MCTP2: variants seen among roughly 807,000 people sequenced by gnomAD.
MCTP2 encodes the protein multiple C2 and transmembrane domain containing 2.
Under a neutral mutation model 111.6 loss-of-function variants are expected in MCTP2, and 132 were observed. The observed-to-expected ratio is 1.18, with a 90% CI of 1.03 to 1.37. The LOEUF is 1.37. MCTP2 is among the 40% of genes most tolerant of loss of function. The pLI, the probability that MCTP2 is intolerant of heterozygous loss-of-function variation, is 0.00. For synonymous variants in MCTP2, 395 were observed against 387.7 expected (o/e 1.02, Z -0.22); for missense variants, 1,183 against 1,067.9 (o/e 1.11, Z -1.50).
At chr15:94,288,188 A>G (rs1423810904) in intron 1 of MCTP2, among the ~76,000 whole-genome samples, 1 of 152,184 alleles carries the variant, frequency 6.6e-6, no homozygotes, top group African/African-American at 2.4e-5. Context: ...CTTCCCCACA[A>G]CCCTGGTATG....
At chr15:94,262,704 T>C (rs1316078523) in intron 1 of MCTP2, among the ~76,000 whole-genome samples, 1 of 151,884 alleles carries the variant, frequency 6.6e-6, no homozygotes, top group African/African-American at 2.4e-5. Context: ...AGAGTCTTGC[T>C]CTGTTACCTG....
At chr15:94,410,331 G>A (rs1043830175) in intron 17 of MCTP2, among the ~76,000 whole-genome samples, 2 of 152,138 alleles carry the variant, frequency 1.3e-5, no homozygotes, top group African/African-American at 4.8e-5. Context: ...GTGTTCAGGA[G>A]TCAATCATTT....
intron 17 of MCTP2, among the ~76,000 whole-genome samples, chr15:94,409,832 A>T (rs1195220481): frequency 2.0e-5 from 3 of 151,124 alleles, no homozygotes; most frequent in African/African-American, 7.3e-5. Context: ...TCGTAAGTCT[A>T]TCAACCCTCC....
chr15:94,472,417 C>G (rs1385373467), intron 21 of MCTP2, among the ~76,000 whole-genome samples: 1 of 152,078 alleles, frequency 6.6e-6, no homozygotes, highest in African/African-American at 2.4e-5. Flanking sequence ...GACAAATACT[C>G]TATTTTCTCA....
intron 17 of MCTP2, among the ~76,000 whole-genome samples, chr15:94,414,714 G>A (rs2082299417): frequency 6.6e-6 from 1 of 152,050 alleles, no homozygotes. Flanking sequence ...TATCACTCAT[G>A]GTATTTTTCC....
At chr15:94,332,540 G>T (rs2077177053) in intron 4 of MCTP2, among the ~76,000 whole-genome samples, 2 of 152,152 alleles carry the variant, frequency 1.3e-5, no homozygotes, top group Non-Finnish European at 2.9e-5. Flanking sequence ...TAAAGAGCTA[G>T]TAAATAATTG....
At chr15:94,390,725 CTTTTTT>C (rs777312969) in intron 14 of MCTP2, among the ~76,000 whole-genome samples, 1 of 112,984 alleles carries the variant, frequency 8.9e-6, no homozygotes, top group Non-Finnish European at 1.9e-5. Context: ...CTTTTCTTTT[CTTTTTT>C]TTTTTTTTTT....
chr15:94,363,786 G>A (rs1245600019), intron 10 of MCTP2, among the ~76,000 whole-genome samples: 1 of 151,970 alleles, frequency 6.6e-6, no homozygotes, highest in African/African-American at 2.4e-5. Flanking sequence ...TCACCTAAGG[G>A]CTCGGTGTGT....
intron 20 of MCTP2, among the ~76,000 whole-genome samples, chr15:94,469,010 C>T (rs979621787): frequency 1.3e-5 from 2 of 152,152 alleles, no homozygotes; most frequent in Non-Finnish European, 2.9e-5. Context: ...GTTAGACAAT[C>T]TCTGTCAGTC....
intron 1 of MCTP2, among the ~76,000 whole-genome samples, chr15:94,266,857 T>A (rs1224475339): frequency 6.6e-6 from 1 of 152,170 alleles, no homozygotes; most frequent in Non-Finnish European, 1.5e-5. Context: ...TGTAAAACAT[T>A]TTTGCAATTT....
chr15:94,337,893 T>C (rs1011392070), intron 4 of MCTP2, among the ~76,000 whole-genome samples: 2 of 152,222 alleles, frequency 1.3e-5, no homozygotes, highest in Non-Finnish European at 1.5e-5. Context: ...AGTAAGGCTT[T>C]TAAACCATGG....
At chr15:94,402,950 G>A in intron 17 of MCTP2, 4 of 1,034,840 alleles carry the variant, frequency 3.9e-6, no homozygotes, top group Non-Finnish European at 4.7e-6. Context: ...TATGCTGAAT[G>A]TTCTCTCTTA....
chr15:94,378,584 C>G (rs115970486), intron 12 of MCTP2, among the ~76,000 whole-genome samples: 1,647 of 152,232 alleles, frequency 0.011, 22 homozygotes, highest in African/African-American at 0.038. Flanking sequence ...CTTGTTTGCT[C>G]TAGGTGTTAG....
chr15:94,407,775 GCACACA>G (rs57851445), intron 17 of MCTP2, among the ~76,000 whole-genome samples: 13,764 of 147,624 alleles, frequency 0.093, 674 homozygotes, highest in Non-Finnish European at 0.12. Context: ...ATGTACTTGT[GCACACA>G]CACACACACA....
chr15:94,457,469 T>C (rs1452078462), intron 19 of MCTP2, among the ~76,000 whole-genome samples: 1 of 152,146 alleles, frequency 6.6e-6, no homozygotes, highest in Admixed American at 6.5e-5. Flanking sequence ...TGTATTTGCT[T>C]CTAATGTCAT....
At chr15:94,412,196 T>G (rs906429028) in intron 17 of MCTP2, among the ~76,000 whole-genome samples, 9 of 152,188 alleles carry the variant, frequency 5.9e-5, no homozygotes, top group Admixed American at 1.3e-4. Flanking sequence ...CCTACACTAC[T>G]TTTACAATGC....
At chr15:94,475,963 TGCC>T (rs2074313799) in intron 21 of MCTP2, among the ~76,000 whole-genome samples, 1 of 152,230 alleles carries the variant, frequency 6.6e-6, no homozygotes, top group African/African-American at 2.4e-5. Context: ...TGTTCTCCAT[TGCC>T]CAGACAGACC....
chr15:94,467,650 CT>C (rs2073502152), intron 20 of MCTP2, among the ~76,000 whole-genome samples: 1 of 151,952 alleles, frequency 6.6e-6, no homozygotes, highest in African/African-American at 2.4e-5. Context: ...ATTTATTTTA[CT>C]GAGTTTATTT....
At chr15:94,390,711 ATTTCT>A (rs1238086076) in intron 14 of MCTP2, among the ~76,000 whole-genome samples, 7 of 140,038 alleles carry the variant, frequency 5.0e-5, no homozygotes, top group Admixed American at 1.4e-4. Context: ...AAGACCTGCA[ATTTCT>A]TTTCTTTTCT....
Sources: allele counts gnomAD v4.1 joint callset (sites outside exome capture counted in the v4.1 genomes callset), GRCh38; gene constraint gnomAD v4.1.1; transcripts MANE v1.5; gene names NCBI Gene and HGNC (gene_info 2026-07-23, HGNC 2026-07-21).